The following GNG4 variants were observed in gnomAD, a reference collection of about 807,000 sequenced individuals.
GNG4 encodes G protein subunit gamma 4, also known as guanine nucleotide-binding protein G(I)/G(S)/G(O) subunit gamma-4.
Under a neutral mutation model 5.8 loss-of-function variants are expected in GNG4, and 4 were observed. The observed-to-expected ratio is 0.69, with a 90% CI of 0.34 to 1.57. GNG4 has a LOEUF of 1.57. Ranked by LOEUF, GNG4 falls within the 40% of genes most tolerant of loss-of-function variation. The pLI is 0.06. For synonymous variants in GNG4, 29 were observed against 32.9 expected, an observed-to-expected ratio of 0.88 and a Z score of 0.41; for missense variants, 96 against 95.1, an observed-to-expected ratio of 1.01 and a Z score of -0.04.
intron 2 of GNG4, among the ~76,000 whole-genome samples, chr1:235,587,574 GGGGTGGCGGTGAGTGTGA>G (rs1687828854): frequency 1.2e-5 from 1 of 81,128 alleles, no homozygotes; most frequent in Non-Finnish European, 2.5e-5. Flanking sequence ...GGGAGGGTGT[GGGGTGGCGGTGAGTGTGA>G]GTGTGGGAGG....
chr1:235,649,972 C>A (rs1657630442), upstream of GNG4: 1 of 150,450 alleles, frequency 6.6e-6, no homozygotes, highest in Non-Finnish European at 1.5e-5. This position sits in a 1 kb window ranked among gnomAD's most constrained non-coding sequence, Gnocchi z 5.7. Flanking sequence ...GGAGAGCCGG[C>A]GACTCTGCGA....
intron 1 of GNG4, chr1:235,616,323 A>G: frequency 1.1e-5 from 5 of 437,994 alleles, no homozygotes; most frequent in South Asian, 5.3e-5. Context: ...TTTGTCATTC[A>G]GAACCTGGGT....
intron 1 of GNG4, chr1:235,616,139 G>A (rs1020037643): frequency 4.5e-5 from 22 of 490,744 alleles, no homozygotes; most frequent in South Asian, 2.1e-4. Flanking sequence ...ACCCCCTTCC[G>A]CCTGCTGCTA....
chr1:235,602,687 G>C (rs9803845), intron 1 of GNG4, among the ~76,000 whole-genome samples: 1 of 152,104 alleles, frequency 6.6e-6, no homozygotes, highest in South Asian at 2.1e-4. Flanking sequence ...GGTCTAACAA[G>C]GATTCCACCT....
chr1:235,593,773 A>C (rs12755762), intron 2 of GNG4, among the ~76,000 whole-genome samples: 5 of 151,642 alleles, frequency 3.3e-5, no homozygotes, highest in Non-Finnish European at 1.5e-5. Context: ...CCTTCCTCCC[A>C]GTGGGTTTGT....
At chr1:235,598,282 G>T (rs1004670061) in intron 1 of GNG4, among the ~76,000 whole-genome samples, 4 of 152,136 alleles carry the variant, frequency 2.6e-5, no homozygotes, top group South Asian at 4.2e-4. Flanking sequence ...CTCAGACTTT[G>T]CTGTACATCT....
At position 235,571,180 on chromosome 1, in the gene GNG4, C is replaced by T. The variant is rs574861821; in HGVS notation, c.99+12560G>A. 3.7e-4 allele frequency among the ~76,000 whole-genome samples: 56 copies of T among 152,100 alleles called. No individual in the cohort carries two copies. The South Asian group carries it at 0.011, about 31-fold the overall frequency. On this transcript the variant is annotated intron_variant, in intron 3 of 3. Transcript: ENST00000391854. ...ATTAGCAAAAGAAGAATTTAACATACAAAATTAGTTTAACCCCAGTAACAG... is the reference window on the plus strand; with the variant it reads ...ATTAGCAAAAGAAGAATTTAACATATAAAATTAGTTTAACCCCAGTAACAG...
rs148898925 is a variant in GNG4, at chr1:235,556,113, C to T, written c.100-3876G>A. 5.5e-3 allele frequency among the ~76,000 whole-genome samples: 837 copies of T among 151,942 alleles called. 12 individuals carry two copies. Among genetic ancestry groups the T allele is most frequent in the African/African-American group, 0.019 (796 of 41,470 alleles). Reference sequence around the variant, plus strand: ...AACTCCTGACCTCAGGTGATCTGCCCGCCTCGGCCTCTCAAAGTGCTGGGA... The same window carrying T: ...AACTCCTGACCTCAGGTGATCTGCCTGCCTCGGCCTCTCAAAGTGCTGGGA... On this transcript the variant is annotated intron_variant, in intron 3 of 3. Coordinates refer to ENST00000391854, the MANE Select transcript of GNG4 (RefSeq NM_001098722.2).
chr1:235,599,366 G>T (rs1688201538), intron 1 of GNG4, among the ~76,000 whole-genome samples: 1 of 151,472 alleles, frequency 6.6e-6, no homozygotes, highest in Non-Finnish European at 1.5e-5. Context: ...GCCTAGGCTG[G>T]AGTGCAGTGA....
At chr1:235,593,460 A>C (rs373143270) in intron 2 of GNG4, among the ~76,000 whole-genome samples, 1 of 152,314 alleles carries the variant, frequency 6.6e-6, no homozygotes, top group South Asian at 2.1e-4. Flanking sequence ...TGAGCACTTG[A>C]CAAGTATCTG....
At chr1:235,616,327 C>A (rs1435530082) in intron 1 of GNG4, 3 of 434,596 alleles carry the variant, frequency 6.9e-6, no homozygotes, top group Non-Finnish European at 1.4e-5. Flanking sequence ...TCATTCAGAA[C>A]CTGGGTCTGT....
intron 1 of GNG4, among the ~76,000 whole-genome samples, chr1:235,622,010 T>C (rs570509200): frequency 6.6e-6 from 1 of 152,274 alleles, no homozygotes; most frequent in African/African-American, 2.4e-5. Context: ...AACTCAGCTC[T>C]TATGAAAAGA....
In GNG4 at chr1:235,648,440, A is replaced by T. The variant is rs997975260; in HGVS notation, c.-123+1222T>A. On this transcript the variant is annotated intron_variant, in intron 1 of 3. Coordinates refer to ENST00000391854, the MANE Select transcript of GNG4 (RefSeq NM_001098722.2). This position sits in a 1 kb window ranked among gnomAD's most constrained non-coding sequence, Gnocchi z 5.0. ...GCTGGAAAAGGCTTTCCATTTATCA[A>T]CTTAGTTGTCCCCCCAGTCGCCTCT... 6.6e-6 allele frequency among the ~76,000 whole-genome samples: 1 copy of T among 152,160 alleles called. No individual in the cohort carries two copies. Among genetic ancestry groups the T allele is most frequent in the Non-Finnish European group, 1.5e-5 (1 of 68,024 alleles).
intron 1 of GNG4, among the ~76,000 whole-genome samples, chr1:235,631,346 G>A (rs1267806423): frequency 2.0e-5 from 3 of 152,086 alleles, no homozygotes; most frequent in East Asian, 3.9e-4. Context: ...CCCTCTGCTC[G>A]GATAAACTCT....
intron 3 of GNG4, among the ~76,000 whole-genome samples, chr1:235,575,181 A>G (rs1687447394): frequency 6.6e-6 from 1 of 152,144 alleles, no homozygotes; most frequent in Non-Finnish European, 1.5e-5. Flanking sequence ...CTAAATACAG[A>G]GGGTCCCTGA....
chr1:235,571,790 G>T lies in GNG4; in HGVS notation c.99+11950C>A, dbSNP rs181099478. ...TAGGGTATAGCCTATAGATTACAGG[G>T]TATAGCCTATTGCTCCTAGGCTACA... is the stretch of plus-strand genomic sequence containing the variant. On this transcript the variant is annotated intron_variant, in intron 3 of 3. Coordinates refer to ENST00000391854, the MANE Select transcript of GNG4 (RefSeq NM_001098722.2). 3.3e-3 allele frequency among the ~76,000 whole-genome samples: 499 copies of T among 152,210 alleles called. 3 individuals carry two copies. The highest frequency in any genetic ancestry group is 0.01 in the African/African-American group (421 of 41,526).
intron 1 of GNG4, among the ~76,000 whole-genome samples, chr1:235,605,187 A>G (rs905556620): frequency 6.6e-6 from 1 of 150,586 alleles, no homozygotes; most frequent in Non-Finnish European, 1.5e-5. Flanking sequence ...GTGGAATATG[A>G]TTCCTGCCTT....
chr1:235,640,173 C>T (rs191241953), intron 1 of GNG4, among the ~76,000 whole-genome samples: 2 of 152,182 alleles, frequency 1.3e-5, no homozygotes, highest in Admixed American at 6.5e-5. Flanking sequence ...GTGTTGCAGG[C>T]ACATCATGCT....
At chr1:235,586,330 C>T (rs1033568494) in intron 2 of GNG4, among the ~76,000 whole-genome samples, 4 of 152,186 alleles carry the variant, frequency 2.6e-5, no homozygotes, top group Non-Finnish European at 5.9e-5. Context: ...TATGTGCCCA[C>T]GTGCCTGCTC....
Sources: gnomAD v4.1 joint callset for allele counts (sites outside exome capture counted in the v4.1 genomes callset) on GRCh38, gnomAD v4.1.1 for gene constraint, Gnocchi (gnomAD v3.1) non-coding constraint, MANE v1.5 for transcripts, NCBI Gene and HGNC (gene_info 2026-07-23, HGNC 2026-07-21) for gene names.